The following PUM2 variants were observed in gnomAD, a reference collection of about 807,000 sequenced individuals.
The protein encoded by PUM2 is pumilio RNA binding family member 2.
Under a neutral mutation model 124.5 loss-of-function variants are expected in PUM2, and 57 were observed. The observed-to-expected ratio is 0.46, with a 90% CI of 0.37 to 0.57. The LOEUF (loss-of-function observed/expected upper bound fraction) is 0.57. PUM2 is among the 20% of genes least tolerant of loss of function. The pLI, the probability that PUM2 is intolerant of heterozygous loss-of-function variation, is 0.00. For synonymous variants in PUM2, 460 were observed against 446.1 expected, an observed-to-expected ratio of 1.03 and a Z score of -0.39; for missense variants, 1,065 against 1,290.6, an observed-to-expected ratio of 0.83 and a Z score of 2.68.
intron 13 of PUM2, among the ~76,000 whole-genome samples, chr2:20,268,640 A>AT (rs1668284962): frequency 2.6e-5 from 4 of 151,676 alleles, no homozygotes; most frequent in Admixed American, 6.6e-5. Context: ...AAAACAAACA[A>AT]AATATATATA....
At chr2:20,315,574 A>C (rs1680690828) in intron 3 of PUM2, among the ~76,000 whole-genome samples, 2 of 152,190 alleles carry the variant, frequency 1.3e-5, no homozygotes, top group South Asian at 2.1e-4. Flanking sequence ...AAATTGACTG[A>C]AATAATAAAT....
chr2:20,268,016 G>A (rs900414685), intron 13 of PUM2, among the ~76,000 whole-genome samples: 27 of 152,118 alleles, frequency 1.8e-4, no homozygotes, highest in African/African-American at 1.9e-4. Context: ...CAGGTCCTCC[G>A]CGGGGCAAGG....
rs1377725621 is a variant in PUM2 at position 20,249,746 on chromosome 2, T to C, written c.*1839A>G. The C allele has an allele frequency of 6.6e-6, 1 of 152,650 alleles. No individual in the cohort carries two copies. Among genetic ancestry groups the C allele is most frequent in the African/African-American group, 2.4e-5 (1 of 41,454 alleles). 9.5% of individuals were successfully genotyped at this position (152,650 alleles called of 1,614,324 possible). On this transcript the variant is annotated 3_prime_UTR_variant, in exon 21 of 21. Transcript: ENST00000361078. ...TTTAGTTTTCAGCACTGAACATAAG[T>C]GGGTCAACATAAATGTTTATACAAA... is the stretch of plus-strand genomic sequence containing the variant.
At chr2:20,287,433 G>T (rs1343880596) in intron 10 of PUM2, among the ~76,000 whole-genome samples, 1 of 152,074 alleles carries the variant, frequency 6.6e-6, no homozygotes, top group African/African-American at 2.4e-5. Context: ...AATGTTTATG[G>T]GCTGAAATTT....
chr2:20,351,121 C>T (rs1223208590), upstream of PUM2, among the ~76,000 whole-genome samples: 1 of 152,214 alleles, frequency 6.6e-6, no homozygotes, highest in East Asian at 1.9e-4. Context: ...TTGCCAAACG[C>T]TGTGTTCGAC....
rs778536041 is a variant in PUM2 at position 20,283,458 on chromosome 2, A to G, written c.1320T>C (p.Tyr440=). Residue 440 remains tyrosine, a synonymous_variant, in exon 11 of 21, where the codon TAT becomes TAC. Coordinates refer to ENST00000361078, the MANE Select transcript of PUM2 (RefSeq NM_015317.5). The part of the protein sequence containing the change: ...PGYQVLAPTA[Y]YDQTGALVVG... ...CCACTAAGGCACCAGTCTGATCATAATAGGCAGTTGGAGCTAGTACTTGAT... is the reference window on the plus strand; with the variant it reads ...CCACTAAGGCACCAGTCTGATCATAGTAGGCAGTTGGAGCTAGTACTTGAT... 11 of 1,613,904 alleles carry G rather than the reference A, an allele frequency of 6.8e-6. No homozygotes were observed.
At chr2:20,323,044 ACT>A (rs1183775543) in intron 2 of PUM2, among the ~76,000 whole-genome samples, 1 of 152,164 alleles carries the variant, frequency 6.6e-6, no homozygotes, top group Non-Finnish European at 1.5e-5. Context: ...TACTGTAAAC[ACT>A]CAAGACTTCC....
At chr2:20,296,757 G>A (rs1421793883) in intron 8 of PUM2, among the ~76,000 whole-genome samples, 1 of 152,118 alleles carries the variant, frequency 6.6e-6, no homozygotes, top group East Asian at 1.9e-4. Flanking sequence ...TTCTGTCTTT[G>A]TAGCCACCTC....
At chr2:20,318,503 AT>A in intron 3 of PUM2, 33 bp downstream of exon 3, 1 of 1,537,512 alleles carries the variant, frequency 6.5e-7, no homozygotes, top group Non-Finnish European at 8.9e-7. Context: ...TGCTAAATAT[AT>A]TCACAATTCT....
intron 1 of PUM2, among the ~76,000 whole-genome samples, chr2:20,334,911 C>A (rs1383204812): frequency 6.6e-6 from 1 of 152,138 alleles, no homozygotes; most frequent in East Asian, 1.9e-4. Flanking sequence ...GTGACTTAAG[C>A]TTCTTAGGAC....
chr2:20,265,059 C>A (rs1667309443), intron 13 of PUM2, among the ~76,000 whole-genome samples: 1 of 152,036 alleles, frequency 6.6e-6, no homozygotes, highest in South Asian at 2.1e-4. Flanking sequence ...ACCAGCCTGA[C>A]CAACATGGTG....
chr2:20,328,347 AAAACAC>A (rs1467141968), intron 1 of PUM2, among the ~76,000 whole-genome samples: 3 of 152,184 alleles, frequency 2.0e-5, no homozygotes, highest in East Asian at 3.8e-4. Flanking sequence ...ACAAACAAAA[AAAACAC>A]AAACACACAA....
At chr2:20,343,117 T>C (rs1334659096) in intron 1 of PUM2, among the ~76,000 whole-genome samples, 1 of 146,818 alleles carries the variant, frequency 6.8e-6, no homozygotes, top group Non-Finnish European at 1.5e-5. Flanking sequence ...ATTATATATT[T>C]TTAAAAGAGT....
Position 20,307,994 on chromosome 2 carries a change from AGCT to A in PUM2, c.864_866del (p.Ala289del). 1 of 1,613,592 alleles carries A rather than the reference AGCT, an allele frequency of 6.2e-7. No homozygotes were observed. The highest frequency in any genetic ancestry group is 8.5e-7 in the Non-Finnish European group (1 of 1,179,570). ...AAGACTCACCTATATGTGGCTGCTGAGCTGCTGCTAATGCATATTGCTGCTGTT... is the reference window on the plus strand; with the variant it reads ...AAGACTCACCTATATGTGGCTGCTGAGCTGCTAATGCATATTGCTGCTGTT... On this transcript the variant is annotated inframe_deletion, in exon 7 of 21. Coordinates refer to ENST00000361078, the MANE Select transcript of PUM2 (RefSeq NM_015317.5).
chr2:20,290,595 T>G, intron 10 of PUM2, 57 bp downstream of exon 10: 2 of 1,520,496 alleles, frequency 1.3e-6, no homozygotes, highest in Non-Finnish European at 1.8e-6. Context: ...TCAGTGTGAG[T>G]ACCTACACTT....
chr2:20,318,756 A>T, intron 2 of PUM2, 111 bp from the exon 3 acceptor site: 1 of 652,104 alleles, frequency 1.5e-6, no homozygotes, highest in Non-Finnish European at 2.4e-6. Flanking sequence ...AATGCTAATG[A>T]AAATTCAGAG....
intron 13 of PUM2, among the ~76,000 whole-genome samples, chr2:20,265,430 T>C (rs1403957185): frequency 6.6e-6 from 1 of 152,186 alleles, no homozygotes; most frequent in Non-Finnish European, 1.5e-5. Flanking sequence ...CCACTTCCAT[T>C]ATTTGTTTAC....
At chr2:20,335,865 T>A (rs897676610) in intron 1 of PUM2, among the ~76,000 whole-genome samples, 1 of 152,232 alleles carries the variant, frequency 6.6e-6, no homozygotes, top group Non-Finnish European at 1.5e-5. Context: ...AATCTATATA[T>A]GTGCAAACAT....
At chr2:20,268,335 CA>C (rs1247240520) in intron 13 of PUM2, among the ~76,000 whole-genome samples, 1 of 152,048 alleles carries the variant, frequency 6.6e-6, no homozygotes, top group Non-Finnish European at 1.5e-5. Flanking sequence ...AAGTATGCCC[CA>C]TGCGGTGGCT....
Sources: gnomAD v4.1 joint callset for allele counts (sites outside exome capture counted in the v4.1 genomes callset) on GRCh38, gnomAD v4.1.1 for gene constraint, MANE v1.5 for transcripts, NCBI Gene and HGNC (gene_info 2026-07-23, HGNC 2026-07-21) for gene names.